KSR2: variants seen among roughly 807,000 people sequenced by gnomAD.
KSR2 encodes kinase suppressor of ras 2.
Under a neutral mutation model 107.8 loss-of-function variants are expected in KSR2, and 25 were observed. The observed-to-expected ratio is 0.23, with a 90% CI of 0.17 to 0.32. The LOEUF (loss-of-function observed/expected upper bound fraction) is 0.32, where lower values mean the gene tolerates loss of function less well. Among genes scored for constraint, KSR2 ranks in the 10% least tolerant of loss-of-function variants. The pLI, the probability that KSR2 is intolerant of heterozygous loss-of-function variation, is 1.00. For synonymous variants in KSR2, 480 were observed against 507.0 expected, an observed-to-expected ratio of 0.95 and a Z score of 0.71; for missense variants, 887 against 1,268.9, an observed-to-expected ratio of 0.70 and a Z score of 4.57.
At chr12:117,732,464 ATT>A (rs1887770095) in intron 4 of KSR2, among the ~76,000 whole-genome samples, 2 of 151,926 alleles carry the variant, frequency 1.3e-5, no homozygotes, top group African/African-American at 4.8e-5. Flanking sequence ...AATTTTTTGT[ATT>A]TTTAGTAGAG....
intron 5 of KSR2, among the ~76,000 whole-genome samples, chr12:117,640,458 C>A (rs1883305992): frequency 6.6e-6 from 1 of 152,154 alleles, no homozygotes; most frequent in South Asian, 2.1e-4. Flanking sequence ...ACCATGTAGA[C>A]CAGGCTGGTC....
intron 14 of KSR2, among the ~76,000 whole-genome samples, chr12:117,493,516 CT>C (rs2137160359): frequency 6.6e-6 from 1 of 152,342 alleles, no homozygotes; most frequent in East Asian, 1.9e-4. Context: ...GCTTTTCCCA[CT>C]TGCCTCAAAA....
intron 3 of KSR2, among the ~76,000 whole-genome samples, chr12:117,836,890 G>A (rs543181543): frequency 2.0e-5 from 3 of 152,364 alleles, no homozygotes; most frequent in South Asian, 4.1e-4. Flanking sequence ...CTTTCCAGAT[G>A]TCTCCCAAGG....
chr12:117,454,741 T>C lies in KSR2; in HGVS notation c.*12458A>G, dbSNP rs1377417074. On this transcript the variant is annotated 3_prime_UTR_variant, in exon 20 of 20. Transcript: ENST00000339824. ...TCAGGGGCCTATTCATAGAGTGATATGAACTGTCCCAGAAAGAGGTTTTTT... is the reference window on the plus strand; with the variant it reads ...TCAGGGGCCTATTCATAGAGTGATACGAACTGTCCCAGAAAGAGGTTTTTT... 1 of 152,214 alleles carries C rather than the reference T, an allele frequency of 6.6e-6. No individual in the cohort carries two copies. Among genetic ancestry groups the C allele is most frequent in the Admixed American group, 6.5e-5 (1 of 15,276 alleles). 9.4% of individuals were successfully genotyped at this position (152,214 alleles called of 1,614,324 possible).
chr12:117,456,377 C>G lies in KSR2; in HGVS notation c.*10822G>C, dbSNP rs961919492. ...GAGTACCTTGATGCCCATGCTGTAGCTACATAGCAGTTACTTGAACTTACA... is the reference window on the plus strand; with the variant it reads ...GAGTACCTTGATGCCCATGCTGTAGGTACATAGCAGTTACTTGAACTTACA... On this transcript the variant is annotated 3_prime_UTR_variant, in exon 20 of 20. Coordinates refer to ENST00000339824, the MANE Select transcript of KSR2 (RefSeq NM_173598.6). 2.0e-5 allele frequency: 3 copies of G among 152,166 alleles called. No homozygotes were observed. The highest frequency in any genetic ancestry group is 4.4e-5 in the Non-Finnish European group (3 of 68,038). The allele number at this position is 152,166 out of a possible 1,614,324, so 9.4% of individuals were successfully genotyped here.
chr12:117,780,155 G>A (rs1165823472), intron 3 of KSR2, among the ~76,000 whole-genome samples: 2 of 152,124 alleles, frequency 1.3e-5, no homozygotes, highest in Non-Finnish European at 2.9e-5. Flanking sequence ...AAAAATTAAT[G>A]TCATTCCTCA....
chr12:117,968,401 G>C lies in KSR2; in HGVS notation c.-146C>G. On this transcript the variant is annotated 5_prime_UTR_variant, in exon 1 of 20. Transcript: ENST00000339824. ...AAGAAGAAATCCAACATCTCACACAGGGTTGAGGGGGTGGGAGTGGGAGGA... is the reference window on the plus strand; with the variant it reads ...AAGAAGAAATCCAACATCTCACACACGGTTGAGGGGGTGGGAGTGGGAGGA... 7.4e-7 allele frequency: 1 copy of C among 1,352,510 alleles called. No individual in the cohort carries two copies. The highest frequency in any genetic ancestry group is 2.1e-5 in the South Asian group (1 of 47,628). 83.8% of individuals were successfully genotyped at this position (1,352,510 alleles called of 1,614,324 possible).
chr12:117,554,188 T>C (rs1877504454), intron 9 of KSR2, among the ~76,000 whole-genome samples: 1 of 152,026 alleles, frequency 6.6e-6, no homozygotes, highest in Admixed American at 6.6e-5. Flanking sequence ...CCGGGATAGA[T>C]TTGGTACAGC....
At chr12:117,765,194 G>A (rs968949424) in intron 3 of KSR2, among the ~76,000 whole-genome samples, 3 of 152,204 alleles carry the variant, frequency 2.0e-5, no homozygotes, top group Non-Finnish European at 2.9e-5. Flanking sequence ...TATTTGCTGA[G>A]GGAATACAAG....
intron 6 of KSR2, among the ~76,000 whole-genome samples, chr12:117,580,779 A>G (rs1248692251): frequency 6.6e-6 from 1 of 152,100 alleles, no homozygotes; most frequent in Non-Finnish European, 1.5e-5. Flanking sequence ...TGGGGGCTGG[A>G]CGATCTAGGG....
intron 3 of KSR2, among the ~76,000 whole-genome samples, chr12:117,777,127 A>T: frequency 8.8e-6 from 1 of 114,254 alleles, no homozygotes; most frequent in South Asian, 2.9e-4. Flanking sequence ...CACCATATAT[A>T]TATACACTAT....
chr12:117,493,355 G>C (rs1872846974), intron 14 of KSR2, among the ~76,000 whole-genome samples: 1 of 152,092 alleles, frequency 6.6e-6, no homozygotes, highest in Admixed American at 6.5e-5. Context: ...TCTCTGGATA[G>C]AGAGTCTCCC....
chr12:117,928,655 T>G (rs1895608560), intron 1 of KSR2, among the ~76,000 whole-genome samples: 1 of 152,244 alleles, frequency 6.6e-6, no homozygotes, highest in Admixed American at 6.5e-5. Flanking sequence ...GTTCAAGTCC[T>G]TGCTTTCAAT....
intron 5 of KSR2, among the ~76,000 whole-genome samples, chr12:117,613,832 G>C (rs1399691242): frequency 6.6e-6 from 1 of 152,160 alleles, no homozygotes; most frequent in Admixed American, 6.5e-5. Flanking sequence ...GTGTGGTAAT[G>C]CATCATCTTG....
chr12:117,542,015 A>G (rs1876527231), intron 9 of KSR2, among the ~76,000 whole-genome samples: 1 of 151,994 alleles, frequency 6.6e-6, no homozygotes, highest in African/African-American at 2.4e-5. Flanking sequence ...CATCCTGAGT[A>G]CCTGGGACCA....
intron 4 of KSR2, among the ~76,000 whole-genome samples, chr12:117,708,640 A>G (rs1263267991): frequency 2.0e-5 from 3 of 152,202 alleles, no homozygotes; most frequent in Non-Finnish European, 4.4e-5. Flanking sequence ...CAATTGACTG[A>G]GGCTGAAAAC....
At chr12:117,678,564 T>C (rs1196249721) in intron 4 of KSR2, among the ~76,000 whole-genome samples, 1 of 152,174 alleles carries the variant, frequency 6.6e-6, no homozygotes, top group Non-Finnish European at 1.5e-5. Flanking sequence ...ACTGCTGAGG[T>C]ACCTGAGAGG....
intron 4 of KSR2, among the ~76,000 whole-genome samples, chr12:117,672,494 A>T (rs759184667): frequency 2.0e-5 from 3 of 152,182 alleles, no homozygotes; most frequent in Non-Finnish European, 4.4e-5. Context: ...GCACAGAGTG[A>T]GGGTTCAGGT....
intron 3 of KSR2, among the ~76,000 whole-genome samples, chr12:117,766,803 G>T (rs1889244376): frequency 6.7e-6 from 1 of 149,624 alleles, no homozygotes; most frequent in South Asian, 2.1e-4. Context: ...GAACAGCAGG[G>T]TCAAAGGCCA....
Sources: allele counts gnomAD v4.1 joint callset (sites outside exome capture counted in the v4.1 genomes callset), GRCh38; gene constraint gnomAD v4.1.1; transcripts MANE v1.5; gene names NCBI Gene and HGNC (gene_info 2026-07-23, HGNC 2026-07-21).